Variants in HPSE2 observed in about 807,000 individuals in gnomAD.
HPSE2 encodes inactive heparanase-2.
HPSE2 carries 38 observed loss-of-function variants against 60.5 expected under a neutral mutation model. The ratio of observed to expected loss-of-function variants is 0.63; its 90% CI spans 0.48 to 0.82. HPSE2 has a LOEUF of 0.82. Ranked by LOEUF, HPSE2 falls within the 40% of genes least tolerant of loss-of-function variation. The pLI, the probability that HPSE2 is intolerant of heterozygous loss-of-function variation, is 0.00. For synonymous variants in HPSE2, 295 were observed against 293.2 expected, an observed-to-expected ratio of 1.01 and a Z score of -0.06; for missense variants, 713 against 740.4, an observed-to-expected ratio of 0.96 and a Z score of 0.43.
At chr10:99,057,677 C>A (rs1163113676) in intron 3 of HPSE2, among the ~76,000 whole-genome samples, 2 of 152,178 alleles carry the variant, frequency 1.3e-5, no homozygotes, top group Non-Finnish European at 2.9e-5. Context: ...CCTCAGTAGA[C>A]CCATCAAGTT....
chr10:98,997,145 C>T (rs1314227682), intron 3 of HPSE2, among the ~76,000 whole-genome samples: 2 of 135,558 alleles, frequency 1.5e-5, no homozygotes, highest in Non-Finnish European at 3.1e-5. Context: ...CAGAGTCTCA[C>T]TCTGTCACCC....
At chr10:99,124,965 A>T (rs553722901) in intron 3 of HPSE2, among the ~76,000 whole-genome samples, 5 of 152,382 alleles carry the variant, frequency 3.3e-5, no homozygotes, top group African/African-American at 1.2e-4. Context: ...CATCAATAGC[A>T]TAAGGGAAGT....
chr10:98,624,970 T>C (rs548989936), intron 7 of HPSE2, among the ~76,000 whole-genome samples: 10 of 152,372 alleles, frequency 6.6e-5, no homozygotes, highest in African/African-American at 2.4e-4. Flanking sequence ...TCGATCCAAG[T>C]AAGAAATTCA....
chr10:98,987,428 C>G (rs1380231668), intron 3 of HPSE2, among the ~76,000 whole-genome samples: 1 of 152,124 alleles, frequency 6.6e-6, no homozygotes, highest in Non-Finnish European at 1.5e-5. Flanking sequence ...CAGAAAAGGC[C>G]TTTGACAAAA....
chr10:98,800,085 A>G (rs1950870797), intron 3 of HPSE2, among the ~76,000 whole-genome samples: 1 of 152,112 alleles, frequency 6.6e-6, no homozygotes, highest in African/African-American at 2.4e-5. Flanking sequence ...AAATAAAACC[A>G]GGTTGGGAGT....
chr10:99,181,285 C>T (rs1225799611), intron 2 of HPSE2, among the ~76,000 whole-genome samples: 2 of 148,118 alleles, frequency 1.4e-5, no homozygotes, highest in Non-Finnish European at 3.0e-5. Flanking sequence ...GTAGTCCCAG[C>T]TACTCGGGAG....
In HPSE2 at chr10:98,671,377, A is replaced by G. The variant is rs542606626; in HGVS notation, c.1004+22523T>C. ...AAGATCTATAAATTTGATTTAGTCC[A>G]TGCCTGAAAATTAGCACTCTATTAC... On this transcript the variant is annotated intron_variant, in intron 6 of 11. Coordinates refer to ENST00000370552, the MANE Select transcript of HPSE2 (RefSeq NM_021828.5). Among the ~76,000 whole-genome samples, 7 of 152,270 alleles carry G rather than the reference A, an allele frequency of 4.6e-5. No homozygotes were observed. The South Asian group carries it at 1.5e-3, about 32-fold the overall frequency.
At chr10:98,683,817 A>G (rs748871937) in intron 6 of HPSE2, among the ~76,000 whole-genome samples, 2 of 152,074 alleles carry the variant, frequency 1.3e-5, no homozygotes, top group African/African-American at 2.4e-5. Flanking sequence ...TCAGATTGAC[A>G]GGGTCTAACC....
chr10:98,725,612 T>C (rs993621031), intron 4 of HPSE2, among the ~76,000 whole-genome samples: 9 of 152,076 alleles, frequency 5.9e-5, no homozygotes, highest in Non-Finnish European at 1.3e-4. Context: ...CCAAAAGCAA[T>C]GGCAACAAAA....
intron 2 of HPSE2, among the ~76,000 whole-genome samples, chr10:99,172,793 G>A (rs1189291457): frequency 2.6e-5 from 4 of 152,036 alleles, no homozygotes; most frequent in Admixed American, 6.5e-5. Context: ...CAGGAGCATC[G>A]CTTGAACCTG....
chr10:99,066,243 A>G (rs1205390778), intron 3 of HPSE2, among the ~76,000 whole-genome samples: 1 of 152,136 alleles, frequency 6.6e-6, no homozygotes, highest in Non-Finnish European at 1.5e-5. Flanking sequence ...ATCAGCAATA[A>G]ATTTATCCAT....
rs1256182419 is a variant in HPSE2 at position 98,546,157 on chromosome 10, T to C, written c.1321-55961A>G. On this transcript the variant is annotated intron_variant, in intron 9 of 11. Coordinates refer to ENST00000370552, the MANE Select transcript of HPSE2 (RefSeq NM_021828.5). ...CACTGCTCAATGAAATAAAAGAGGA[T>C]ACAAACAAATGGAAGAACATTCCAT... is the stretch of plus-strand genomic sequence containing the variant. Among the ~76,000 whole-genome samples the C allele has an allele frequency of 5.1e-5, 7 of 136,548 alleles. 2 individuals are homozygous for C. Among genetic ancestry groups the C allele is most frequent in the African/African-American group, 1.5e-4 (6 of 39,700 alleles). The allele number at this position is 136,548 out of a possible 152,430, so 89.6% of individuals were successfully genotyped here.
intron 3 of HPSE2, among the ~76,000 whole-genome samples, chr10:99,064,604 A>AATAT (rs5787320): frequency 9.3e-5 from 14 of 149,760 alleles, no homozygotes; most frequent in African/African-American, 1.5e-4. Context: ...TATTTACTTA[A>AATAT]ATATATATAT....
chr10:98,669,957 G>A (rs1947463942), intron 6 of HPSE2, among the ~76,000 whole-genome samples: 1 of 152,182 alleles, frequency 6.6e-6, no homozygotes. Flanking sequence ...TTTTACAAAA[G>A]GAGGCCAGGA....
At chr10:99,001,995 T>C (rs963023975) in intron 3 of HPSE2, among the ~76,000 whole-genome samples, 6 of 151,982 alleles carry the variant, frequency 3.9e-5, no homozygotes, top group Non-Finnish European at 7.4e-5. Flanking sequence ...ATATATAAGA[T>C]AATAACTGTG....
intron 11 of HPSE2, among the ~76,000 whole-genome samples, chr10:98,466,573 T>C (rs1201044168): frequency 2.7e-5 from 4 of 145,768 alleles, no homozygotes; most frequent in Non-Finnish European, 4.5e-5. Context: ...ATTGCACCAC[T>C]GCACTCCAGC....
chr10:99,162,385 T>C (rs1217691540), intron 2 of HPSE2, among the ~76,000 whole-genome samples: 1 of 152,178 alleles, frequency 6.6e-6, no homozygotes, highest in Non-Finnish European at 1.5e-5. Flanking sequence ...AAAACTTGGA[T>C]AGAATTTTGT....
At chr10:98,463,334 A>T (rs539692639) in intron 11 of HPSE2, among the ~76,000 whole-genome samples, 2 of 152,104 alleles carry the variant, frequency 1.3e-5, no homozygotes, top group South Asian at 4.2e-4. Flanking sequence ...TGGATCGCAG[A>T]CCTCTGGGAG....
chr10:98,459,597 C>T lies in HPSE2; in HGVS notation c.1756G>A (p.Ala586Thr), dbSNP rs768748735. 25 of 1,614,148 alleles carry T rather than the reference C, an allele frequency of 1.5e-5. 1 individual carries two copies. The South Asian group carries it at 2.6e-4, about 17-fold the overall frequency. The change falls in exon 12 of 12, where the codon GCT becomes ACT. Residue 586 changes from alanine to threonine, a missense_variant. By Grantham distance (58) the Ala-to-Thr change is moderately conservative. Coordinates refer to ENST00000370552, the MANE Select transcript of HPSE2 (RefSeq NM_021828.5). ...MGFYVVKNVN[A>T]LACRYR ...GCTTATCGGTAGCGGCAGGCCAAAG[C>T]ATTGACATTCTTGACCACATAAAAG...
Sources: gnomAD v4.1 joint callset for allele counts (sites outside exome capture counted in the v4.1 genomes callset) on GRCh38, gnomAD v4.1.1 for gene constraint, MANE v1.5 for transcripts, NCBI Gene and HGNC (gene_info 2026-07-23, HGNC 2026-07-21) for gene names.